The following PARVA variants were observed in gnomAD, a reference collection of about 807,000 sequenced individuals.
PARVA encodes the protein parvin alpha.
In PARVA, 25 loss-of-function variants were observed where a neutral mutation model predicts 52.6. The observed-to-expected ratio is 0.48, with a 90% CI of 0.35 to 0.66. The LOEUF is 0.66. Among genes scored for constraint, PARVA ranks in the 30% least tolerant of loss-of-function variants. The pLI, the probability that PARVA is intolerant of heterozygous loss-of-function variation, is 0.01. For missense variants in PARVA, 373 were observed against 450.9 expected (o/e 0.83, Z 1.56); for synonymous variants, 185 against 179.1 (o/e 1.03, Z -0.26).
intron 4 of PARVA, among the ~76,000 whole-genome samples, chr11:12,495,219 C>T (rs1430384241): frequency 6.6e-6 from 1 of 152,096 alleles, no homozygotes. Context: ...TTCAGGCCAT[C>T]ACAGGTAAGA....
intron 6 of PARVA, among the ~76,000 whole-genome samples, chr11:12,507,447 A>G (rs564124349): frequency 2.0e-5 from 3 of 152,166 alleles, no homozygotes; most frequent in Non-Finnish European, 4.4e-5. Context: ...ATGCCCACAC[A>G]GTGCTTTTTA....
chr11:12,497,832 T>C (rs1941317295), intron 5 of PARVA, among the ~76,000 whole-genome samples: 1 of 152,150 alleles, frequency 6.6e-6, no homozygotes, highest in Admixed American at 6.5e-5. Flanking sequence ...TGTATCTGCA[T>C]TTTAAAAATC....
chr11:12,501,605 C>A (rs1331243682), intron 5 of PARVA, among the ~76,000 whole-genome samples: 3 of 152,178 alleles, frequency 2.0e-5, no homozygotes, highest in Non-Finnish European at 4.4e-5. Context: ...TTCTGTGCTT[C>A]ATATTTAAAA....
rs764920792 is a variant in PARVA, at chr11:12,483,860, C to T, written c.400+5911C>T. Among the ~76,000 whole-genome samples, 17 of 152,354 alleles carry T rather than the reference C, an allele frequency of 1.1e-4. No homozygotes were observed. In the South Asian group the frequency reaches 1.5e-3, roughly 13 times the overall value. On this transcript the variant is annotated intron_variant, in intron 4 of 12. Coordinates refer to ENST00000334956, the MANE Select transcript of PARVA (RefSeq NM_018222.5). ...ACACTTCATCCTCTCATGGGAGCAG[C>T]CCTAGCCCTTTCCAAACCTCAGAGC...
At chr11:12,377,462 G>A (rs2134935918), upstream of PARVA, 1 of 1,405,842 alleles carries the variant, frequency 7.1e-7, no homozygotes, top group Non-Finnish European at 9.2e-7. Context: ...CAGGGCAGAG[G>A]GCGGCGCGAG....
At chr11:12,438,235 G>A (rs1940415541) in intron 1 of PARVA, among the ~76,000 whole-genome samples, 1 of 151,278 alleles carries the variant, frequency 6.6e-6, no homozygotes, top group African/African-American at 2.4e-5. Flanking sequence ...ACCCCAGCCT[G>A]GGTGACAGAG....
intron 4 of PARVA, among the ~76,000 whole-genome samples, chr11:12,492,188 C>T (rs537555825): frequency 6.6e-6 from 1 of 152,242 alleles, no homozygotes; most frequent in East Asian, 1.9e-4. Context: ...TGTCTTTATG[C>T]GTCAGAACTT....
At chr11:12,416,119 T>C (rs534201899) in intron 1 of PARVA, among the ~76,000 whole-genome samples, 12 of 152,318 alleles carry the variant, frequency 7.9e-5, no homozygotes, top group Admixed American at 3.3e-4. Context: ...TCCCCCTTGG[T>C]GAAACTGATG....
Position 12,475,375 on chromosome 11 carries a change from C to T in PARVA, c.297+1392C>T, listed in dbSNP as rs185820377. On this transcript the variant is annotated intron_variant, in intron 3 of 12. Transcript: ENST00000334956. ...ATCCTTAGTTCTGTTGTCGTCTCCA[C>T]GTAATATTATAGCTTCTCATGCACT... 9.8e-4 allele frequency among the ~76,000 whole-genome samples: 149 copies of T among 152,320 alleles called. 1 individual carries two copies. The highest frequency in any genetic ancestry group is 1.4e-3 in the Non-Finnish European group (92 of 68,020).
chr11:12,382,476 T>C (rs1440198442), intron 1 of PARVA, among the ~76,000 whole-genome samples: 1 of 152,104 alleles, frequency 6.6e-6, no homozygotes, highest in African/African-American at 2.4e-5. Flanking sequence ...CATATAGTTA[T>C]TGAAAAAATT....
intron 1 of PARVA, among the ~76,000 whole-genome samples, chr11:12,463,768 C>T (rs192561439): frequency 6.6e-6 from 1 of 152,272 alleles, no homozygotes; most frequent in East Asian, 1.9e-4. Context: ...AGATTAGTTT[C>T]TTCTCTTCCA....
At position 12,517,198 on chromosome 11, in the gene PARVA, C is replaced by T. The variant is rs183815996; in HGVS notation, c.868-412C>T. Reference sequence around the variant, plus strand: ...AGTGCTTGTGGGCGACCTTTCTCAACCTCACTCAGGCCAGCGAGCTTCCTT... The same window carrying T: ...AGTGCTTGTGGGCGACCTTTCTCAATCTCACTCAGGCCAGCGAGCTTCCTT... On this transcript the variant is annotated intron_variant, in intron 10 of 12. Transcript: ENST00000334956. 2.3e-3 allele frequency among the ~76,000 whole-genome samples: 348 copies of T among 152,206 alleles called. 1 individual carries two copies. Among genetic ancestry groups the T allele is most frequent in the African/African-American group, 8.1e-3 (337 of 41,538 alleles).
At chr11:12,525,464 C>A (rs1941688532) in intron 12 of PARVA, among the ~76,000 whole-genome samples, 1 of 152,128 alleles carries the variant, frequency 6.6e-6, no homozygotes, top group Non-Finnish European at 1.5e-5. Context: ...ACTTTACCTT[C>A]CCCTTTACAC....
At chr11:12,463,577 T>C (rs1940812753) in intron 1 of PARVA, among the ~76,000 whole-genome samples, 3 of 152,226 alleles carry the variant, frequency 2.0e-5, no homozygotes, top group Non-Finnish European at 4.4e-5. Context: ...GATATTGGTC[T>C]TGTTTTCCTG....
At chr11:12,525,188 G>T (rs776485276) in intron 12 of PARVA, among the ~76,000 whole-genome samples, 7 of 152,196 alleles carry the variant, frequency 4.6e-5, no homozygotes, top group Non-Finnish European at 8.8e-5. Context: ...GCCTTACAAA[G>T]CCACAATTTA....
intron 5 of PARVA, among the ~76,000 whole-genome samples, chr11:12,503,607 C>T (rs1941389639): frequency 6.6e-6 from 1 of 152,048 alleles, no homozygotes; most frequent in African/African-American, 2.4e-5. Flanking sequence ...TGGCACATCC[C>T]TGTAGTCCCA....
intron 1 of PARVA, among the ~76,000 whole-genome samples, chr11:12,425,738 T>C (rs1013449896): frequency 6.6e-6 from 1 of 152,206 alleles, no homozygotes; most frequent in Non-Finnish European, 1.5e-5. Context: ...TCTGAAGTCT[T>C]CTATTTCTTT....
chr11:12,473,007 C>T (rs967946491), intron 1 of PARVA, among the ~76,000 whole-genome samples: 1 of 152,080 alleles, frequency 6.6e-6, no homozygotes, highest in African/African-American at 2.4e-5. Context: ...GTTTTTCTTT[C>T]TGAGGAAGGT....
intron 1 of PARVA, among the ~76,000 whole-genome samples, chr11:12,437,593 T>G (rs1940403552): frequency 6.6e-6 from 1 of 152,206 alleles, no homozygotes; most frequent in African/African-American, 2.4e-5. Flanking sequence ...TTTGTTCACA[T>G]GAATTGAATT....
Sources: gnomAD v4.1 joint callset for allele counts (sites outside exome capture counted in the v4.1 genomes callset) on GRCh38, gnomAD v4.1.1 for gene constraint, MANE v1.5 for transcripts, NCBI Gene and HGNC (gene_info 2026-07-23, HGNC 2026-07-21) for gene names.